ASXL2: variants seen among roughly 807,000 people sequenced by gnomAD.
The protein encoded by ASXL2 is ASXL transcriptional regulator 2.
In ASXL2, 23 loss-of-function variants were observed where a neutral mutation model predicts 122.0. The observed-to-expected ratio is 0.19, with a 90% CI of 0.14 to 0.27. The LOEUF is 0.27. ASXL2 is among the 10% of genes least tolerant of loss of function. The pLI, the probability that ASXL2 is intolerant of heterozygous loss-of-function variation, is 1.00. For synonymous variants in ASXL2, 650 were observed against 637.0 expected (o/e 1.02, Z -0.31); for missense variants, 1,518 against 1,713.8 (o/e 0.89, Z 2.02).
chr2:25,781,966 C>CTT (rs35973982), intron 5 of ASXL2, among the ~76,000 whole-genome samples: 6 of 81,074 alleles, frequency 7.4e-5, no homozygotes, highest in Admixed American at 1.5e-4. Context: ...GGGCTTTTTT[C>CTT]TTTTTTTTTT....
chr2:25,782,488 G>A (rs540900291), intron 5 of ASXL2, among the ~76,000 whole-genome samples: 5 of 152,148 alleles, frequency 3.3e-5, no homozygotes, highest in Non-Finnish European at 7.4e-5. Flanking sequence ...GGAGGTTGCA[G>A]TGAGCCGAGA....
At chr2:25,794,408 A>C (rs1163921470) in intron 5 of ASXL2, among the ~76,000 whole-genome samples, 2 of 152,250 alleles carry the variant, frequency 1.3e-5, no homozygotes, top group Non-Finnish European at 2.9e-5. Context: ...AGCTATGATC[A>C]TAAAAAAGCA....
chr2:25,734,532 A>T lies in ASXL2; in HGVS notation c.*7497T>A, dbSNP rs2087704269. On this transcript the variant is annotated 3_prime_UTR_variant, in exon 13 of 13. Transcript: ENST00000435504. ...AAATTTTATGTATGATACTTTCCAT[A>T]GGAAAGACATAAGCTTTGTGTAAAA... 1 of 152,244 alleles carries T rather than the reference A, an allele frequency of 6.6e-6. No individual in the cohort carries two copies. Among genetic ancestry groups the T allele is most frequent in the Non-Finnish European group, 1.5e-5 (1 of 68,034 alleles). 9.4% of individuals were successfully genotyped at this position (152,244 alleles called of 1,614,324 possible).
intron 8 of ASXL2, among the ~76,000 whole-genome samples, chr2:25,761,295 C>T (rs1183270557): frequency 6.6e-6 from 1 of 152,078 alleles, no homozygotes; most frequent in Non-Finnish European, 1.5e-5. Context: ...GAAATCCATG[C>T]ATAGACCCAG....
rs768243622 is a variant in ASXL2, at chr2:25,799,418, T to C, written c.370A>G (p.Lys124Glu). 13 of 1,614,012 alleles carry C rather than the reference T, an allele frequency of 8.1e-6. No individual in the cohort carries two copies. In the Admixed American group the frequency reaches 8.3e-5, roughly 10 times the overall value. ...TTCCACCTGCTCTTTTTTCCCTCCTTGTTGCTGCCACCATCACTGCTGCTG... is the reference window on the plus strand; with the variant it reads ...TTCCACCTGCTCTTTTTTCCCTCCTCGTTGCTGCCACCATCACTGCTGCTG... ...SSSSSDGGSNKEGKKSRWKRK... is the reference protein window; with the variant it reads ...SSSSSDGGSNEEGKKSRWKRK... Residue 124 changes from lysine (K) to glutamate (E), a missense_variant, in exon 5 of 13, where the codon AAG becomes GAG. By Grantham distance (56) the Lys-to-Glu change is moderately conservative. Transcript: ENST00000435504.
intron 2 of ASXL2, among the ~76,000 whole-genome samples, chr2:25,837,091 G>C (rs569011458): frequency 1.7e-5 from 2 of 120,762 alleles, no homozygotes; most frequent in African/African-American, 6.1e-5. Context: ...GGGTGGGGGG[G>C]GGGGGCGTGG....
chr2:25,806,507 A>G (rs1483224614), intron 3 of ASXL2, among the ~76,000 whole-genome samples, 170 bp from the exon 4 acceptor site: 1 of 152,248 alleles, frequency 6.6e-6, no homozygotes, highest in East Asian at 1.9e-4. Context: ...CATGGAGAAA[A>G]TGGATGTAAA....
At position 25,741,827 on chromosome 2, in the gene ASXL2, C is replaced by T; in HGVS notation, c.*202G>A. 1 of 521,742 alleles carries T rather than the reference C, an allele frequency of 1.9e-6. No homozygotes were observed. Among genetic ancestry groups the T allele is most frequent in the Non-Finnish European group, 3.4e-6 (1 of 297,216 alleles). The allele number at this position is 521,742 out of a possible 1,614,324, so 32.3% of individuals were successfully genotyped here. On this transcript the variant is annotated 3_prime_UTR_variant, in exon 13 of 13. Transcript: ENST00000435504. ...CTTGTCACAAATTCACAAAGTCTTG[C>T]TTGACTTAGACTTACTATACAAGGT...
At chr2:25,785,004 G>A (rs562762567) in intron 5 of ASXL2, among the ~76,000 whole-genome samples, 1 of 152,178 alleles carries the variant, frequency 6.6e-6, no homozygotes, top group Non-Finnish European at 1.5e-5. Context: ...AGCTATTATA[G>A]TGCTGCCCAG....
intron 12 of ASXL2, among the ~76,000 whole-genome samples, chr2:25,746,559 G>C: frequency 6.6e-6 from 1 of 151,334 alleles, no homozygotes; most frequent in East Asian, 1.9e-4. Context: ...AGGTGTTTAG[G>C]GGAATTTATA....
At position 25,860,149 on chromosome 2, in the gene ASXL2, TAA is replaced by T. The variant is rs2089826600; in HGVS notation, c.58-14588_58-14587del. Among the ~76,000 whole-genome samples, 3 of 151,952 alleles carry T rather than the reference TAA, an allele frequency of 2.0e-5. No homozygotes were observed. In the East Asian group the frequency reaches 5.8e-4, roughly 30 times the overall value. On this transcript the variant is annotated intron_variant, in intron 1 of 12. Coordinates refer to ENST00000435504, the MANE Select transcript of ASXL2 (RefSeq NM_018263.6). ...CAACATGGAGAAACCCCATCTCTAC[TAA>T]AAATACAAAATTAACCGGGCATGGT...
At chr2:25,869,544 G>A (rs113054513) in intron 1 of ASXL2, among the ~76,000 whole-genome samples, 4 of 151,974 alleles carry the variant, frequency 2.6e-5, no homozygotes, top group Admixed American at 6.6e-5. Context: ...TTTCACAGCC[G>A]GGTGCAGTGG....
chr2:25,758,955 T>C (rs1574400536), intron 9 of ASXL2, among the ~76,000 whole-genome samples: 2 of 152,180 alleles, frequency 1.3e-5, no homozygotes, highest in East Asian at 3.9e-4. Flanking sequence ...CTGAAGTTTA[T>C]GTATTCTTTT....
chr2:25,759,873 A>G (rs1053346412), intron 8 of ASXL2, among the ~76,000 whole-genome samples: 1 of 152,196 alleles, frequency 6.6e-6, no homozygotes, highest in African/African-American at 2.4e-5. Flanking sequence ...CTCTGCATAA[A>G]TAGAATAAAG....
At chr2:25,843,521 A>G (rs1334722468) in intron 2 of ASXL2, among the ~76,000 whole-genome samples, 1 of 152,150 alleles carries the variant, frequency 6.6e-6, no homozygotes, top group African/African-American at 2.4e-5. Flanking sequence ...AGGTAAACTA[A>G]TATATTTTAC....
At chr2:25,845,381 A>G in intron 2 of ASXL2, 100 bp downstream of exon 2, 1 of 1,328,518 alleles carries the variant, frequency 7.5e-7, no homozygotes, top group Non-Finnish European at 1.0e-6. Flanking sequence ...AGCATTTATT[A>G]TTAAGTAATT....
intron 5 of ASXL2, 50 bp downstream of exon 5, chr2:25,799,335 C>T: frequency 1.2e-6 from 2 of 1,612,592 alleles, no homozygotes; most frequent in South Asian, 2.2e-5. Context: ...CTAACAAGGG[C>T]ATTTGTCCTA....
chr2:25,775,419 C>T (rs780542084), intron 5 of ASXL2, among the ~76,000 whole-genome samples: 9 of 152,152 alleles, frequency 5.9e-5, no homozygotes, highest in Non-Finnish European at 1.0e-4. Flanking sequence ...CGAGCCACTT[C>T]GCTGGGCCCC....
chr2:25,797,017 T>A (rs925313483), intron 5 of ASXL2, among the ~76,000 whole-genome samples: 1 of 151,570 alleles, frequency 6.6e-6, no homozygotes, highest in Non-Finnish European at 1.5e-5. Context: ...TTGAAGAAAA[T>A]CTAGGGGTTT....
Sources: allele counts gnomAD v4.1 joint callset (sites outside exome capture counted in the v4.1 genomes callset), GRCh38; gene constraint gnomAD v4.1.1; transcripts MANE v1.5; gene names NCBI Gene and HGNC (gene_info 2026-07-23, HGNC 2026-07-21).